Variants in STOX2 observed in about 807,000 individuals in gnomAD.
STOX2 encodes the protein storkhead box 2, also known as storkhead-box protein 2.
STOX2 carries 28 observed loss-of-function variants against 60.9 expected under a neutral mutation model. The ratio of observed to expected loss-of-function variants is 0.46; its 90% CI spans 0.34 to 0.63. The LOEUF is 0.63. Ranked by LOEUF, STOX2 falls within the 30% of genes least tolerant of loss-of-function variation. STOX2 has a pLI of 0.01. For missense variants in STOX2, 1,024 were observed against 1,187.7 expected (o/e 0.86, Z 2.03); for synonymous variants, 472 against 463.9 (o/e 1.02, Z -0.22).
At chr4:183,863,282 A>G (rs1740492306) in intron 1 of STOX2, among the ~76,000 whole-genome samples, 3 of 152,220 alleles carry the variant, frequency 2.0e-5, no homozygotes, top group Admixed American at 2.0e-4. Context: ...ACACCAGGCC[A>G]TAGGAGCTCT....
At chr4:183,857,728 C>G (rs1319777535) in intron 1 of STOX2, among the ~76,000 whole-genome samples, 2 of 152,170 alleles carry the variant, frequency 1.3e-5, no homozygotes, top group African/African-American at 4.8e-5. Flanking sequence ...TGCCCCAGTG[C>G]TGCTGGTGTC....
chr4:183,843,610 A>G (rs1442381918), intron 1 of STOX2, among the ~76,000 whole-genome samples: 1 of 152,238 alleles, frequency 6.6e-6, no homozygotes, highest in Non-Finnish European at 1.5e-5. Context: ...TGGAAATCGC[A>G]TGAGCGTGGC....
chr4:183,863,254 C>A (rs183211183), intron 1 of STOX2, among the ~76,000 whole-genome samples: 83 of 152,278 alleles, frequency 5.5e-4, no homozygotes, highest in Non-Finnish European at 9.3e-4. Context: ...GTAAGGAAAC[C>A]CATGAACTGT....
chr4:183,899,350 C>T (rs888522618), intron 1 of STOX2, among the ~76,000 whole-genome samples: 3 of 152,146 alleles, frequency 2.0e-5, no homozygotes, highest in Admixed American at 6.5e-5. Context: ...TTAGGCTTTG[C>T]GAGGAAGGCA....
intron 1 of STOX2, among the ~76,000 whole-genome samples, chr4:183,812,601 A>G (rs1739060893): frequency 6.8e-6 from 1 of 148,050 alleles, no homozygotes; most frequent in South Asian, 2.1e-4. Flanking sequence ...GTGAGTTCAC[A>G]TCATTTCTGT....
At chr4:183,969,803 G>A (rs746434122) in intron 1 of STOX2, among the ~76,000 whole-genome samples, 38 of 152,134 alleles carry the variant, frequency 2.5e-4, no homozygotes, top group Non-Finnish European at 4.1e-4. Context: ...AAAGTTTTCT[G>A]TAGAGATGGG....
At chr4:183,890,805 A>G (rs1249409671) in intron 1 of STOX2, among the ~76,000 whole-genome samples, 1 of 152,126 alleles carries the variant, frequency 6.6e-6, no homozygotes, top group African/African-American at 2.4e-5. Flanking sequence ...AGAGAAAAAG[A>G]GAGAGCTTGT....
chr4:184,003,317 C>G (rs1274461057), intron 2 of STOX2, among the ~76,000 whole-genome samples: 1 of 152,198 alleles, frequency 6.6e-6, no homozygotes, highest in Non-Finnish European at 1.5e-5. Context: ...GAACATACAG[C>G]CAGTGTGTAA....
intron 1 of STOX2, among the ~76,000 whole-genome samples, chr4:183,954,351 T>C (rs1743183677): frequency 6.6e-6 from 1 of 151,902 alleles, no homozygotes; most frequent in Non-Finnish European, 1.5e-5. Context: ...TGCAGTGGCA[T>C]GATCTTGGCT....
At chr4:183,889,658 A>G (rs532469470) in intron 1 of STOX2, among the ~76,000 whole-genome samples, 188 of 152,358 alleles carry the variant, frequency 1.2e-3, no homozygotes, top group Non-Finnish European at 2.3e-3. Context: ...AGCAACTTCG[A>G]GTCAGAGGGC....
chr4:183,810,295 G>A (rs1235489200), intron 1 of STOX2, among the ~76,000 whole-genome samples: 1 of 152,154 alleles, frequency 6.6e-6, no homozygotes, highest in East Asian at 1.9e-4. Flanking sequence ...AGGGACTGTT[G>A]AGGATGCTTC....
chr4:184,000,848 CTG>C (rs1175340291), intron 1 of STOX2, among the ~76,000 whole-genome samples: 1 of 152,204 alleles, frequency 6.6e-6, no homozygotes, highest in Non-Finnish European at 1.5e-5. Flanking sequence ...TAAATAGAAA[CTG>C]AGGGCAGAGA....
chr4:183,886,828 T>A (rs1741095342), intron 1 of STOX2, among the ~76,000 whole-genome samples: 1 of 152,212 alleles, frequency 6.6e-6, no homozygotes, highest in African/African-American at 2.4e-5. Flanking sequence ...GCCATCTTTT[T>A]TCTCATCCTC....
Position 184,001,081 on chromosome 4 carries a change from C to A in STOX2, c.167-244C>A, listed in dbSNP as rs1197982270. ...AGTACTAGGACTATTTAAATGAGAT[C>A]TCGGATGTTAAAGGGAAGTTTTATT... On this transcript the variant is annotated intron_variant, in intron 1 of 3. Transcript: ENST00000308497. The surrounding 1 kb of genome is among the most constrained non-coding windows in gnomAD (Gnocchi z 4.2). Among the ~76,000 whole-genome samples, 1 of 152,102 alleles carries A rather than the reference C, an allele frequency of 6.6e-6. No individual in the cohort carries two copies. Among genetic ancestry groups the A allele is most frequent in the Non-Finnish European group, 1.5e-5 (1 of 68,036 alleles).
intron 1 of STOX2, among the ~76,000 whole-genome samples, chr4:183,823,391 C>T (rs972443658): frequency 4.6e-5 from 7 of 152,172 alleles, no homozygotes; most frequent in African/African-American, 1.2e-4. Context: ...AGCAAAACTC[C>T]GTCTAAAAAC....
At chr4:183,928,504 G>C (rs1742311127) in intron 1 of STOX2, among the ~76,000 whole-genome samples, 1 of 152,182 alleles carries the variant, frequency 6.6e-6, no homozygotes, top group Admixed American at 6.5e-5. Flanking sequence ...GGTGTTCAAG[G>C]ATTTATCAGA....
At chr4:183,946,721 C>G (rs9762482) in intron 1 of STOX2, among the ~76,000 whole-genome samples, 123,912 of 151,386 alleles carry the variant, frequency 0.82, 51,719 homozygotes, top group Non-Finnish European at 0.91. Flanking sequence ...CGCCTCCCAG[C>G]TTCAAGCAAT....
intron 1 of STOX2, among the ~76,000 whole-genome samples, chr4:183,995,566 G>A (rs1449497351): frequency 6.6e-6 from 1 of 152,174 alleles, no homozygotes; most frequent in Admixed American, 6.5e-5. Flanking sequence ...ACTAGCTGTA[G>A]ACAATCCAAG....
intron 1 of STOX2, among the ~76,000 whole-genome samples, chr4:183,882,694 A>T (rs1740984906): frequency 1.3e-5 from 2 of 152,340 alleles, no homozygotes; most frequent in South Asian, 4.1e-4. Context: ...AGCGGGCTTC[A>T]TATTTCATTG....
Sources: gnomAD v4.1 joint callset for allele counts (sites outside exome capture counted in the v4.1 genomes callset) on GRCh38, gnomAD v4.1.1 for gene constraint, Gnocchi (gnomAD v3.1) non-coding constraint, MANE v1.5 for transcripts, NCBI Gene and HGNC (gene_info 2026-07-23, HGNC 2026-07-21) for gene names.